The following CCDC171 variants were observed in gnomAD, a reference collection of about 807,000 sequenced individuals.
CCDC171 encodes the protein coiled-coil domain-containing protein 171.
Under a neutral mutation model 168.2 loss-of-function variants are expected in CCDC171, and 177 were observed. The observed-to-expected ratio is 1.05, with a 90% confidence interval of 0.93 to 1.19. The LOEUF (loss-of-function observed/expected upper bound fraction) is 1.19, where lower values mean the gene tolerates loss of function less well. Ranked by LOEUF, CCDC171 falls within the 50% of genes most tolerant of loss-of-function variation. CCDC171 has a pLI of 0.00. For missense variants in CCDC171, 1,991 were observed against 1,539.0 expected (o/e 1.29, Z -4.91); for synonymous variants, 687 against 540.8 (o/e 1.27, Z -3.75).
chr9:15,552,901 C>A (rs1356880217), upstream of CCDC171, among the ~76,000 whole-genome samples: 2 of 152,194 alleles, frequency 1.3e-5, no homozygotes, highest in African/African-American at 2.4e-5. Flanking sequence ...CCGTTCGTCC[C>A]TCAGCGAAGG....
At chr9:15,619,665 C>T (rs1170835020) in intron 6 of CCDC171, among the ~76,000 whole-genome samples, 1 of 152,088 alleles carries the variant, frequency 6.6e-6, no homozygotes, top group African/African-American at 2.4e-5. Flanking sequence ...CAAGTAATCC[C>T]AAAGATCTAG....
At chr9:15,956,754 A>G (rs922044153) in intron 25 of CCDC171, among the ~76,000 whole-genome samples, 2 of 152,172 alleles carry the variant, frequency 1.3e-5, no homozygotes, top group Admixed American at 6.6e-5. Flanking sequence ...AATTTACAGA[A>G]TAATTATTGT....
the CCDC171 span, among the ~76,000 whole-genome samples, chr9:16,073,714 G>T: frequency 6.6e-6 from 1 of 152,182 alleles, no homozygotes. Context: ...CAGCTGATTT[G>T]AGAGAGGCCC....
At chr9:15,800,856 T>G (rs1320403789) in intron 21 of CCDC171, among the ~76,000 whole-genome samples, 1 of 152,188 alleles carries the variant, frequency 6.6e-6, no homozygotes, top group Non-Finnish European at 1.5e-5. Flanking sequence ...CCTACACTAT[T>G]TATTGAAGAA....
At chr9:15,600,082 G>A (rs947412413) in intron 6 of CCDC171, among the ~76,000 whole-genome samples, 3 of 152,096 alleles carry the variant, frequency 2.0e-5, no homozygotes, top group Non-Finnish European at 2.9e-5. Context: ...CCATGGGTTC[G>A]AACTTCCTCC....
intron 18 of CCDC171, among the ~76,000 whole-genome samples, chr9:15,750,050 T>TA (rs1346154251): frequency 2.7e-5 from 4 of 149,452 alleles, no homozygotes; most frequent in Non-Finnish European, 4.4e-5. Flanking sequence ...TTTTTTTTTT[T>TA]AAAAGATCAA....
chr9:15,617,283 T>C (rs1000418190), intron 6 of CCDC171, among the ~76,000 whole-genome samples: 5 of 152,196 alleles, frequency 3.3e-5, no homozygotes, highest in African/African-American at 1.2e-4. Context: ...TTTTGGAATT[T>C]TCAGCATTTT....
intron 24 of CCDC171, among the ~76,000 whole-genome samples, chr9:15,884,486 A>G (rs1055842773): frequency 1.4e-4 from 21 of 152,294 alleles, no homozygotes; most frequent in Admixed American, 1.2e-3. Flanking sequence ...AGTCTGTGCA[A>G]TTTACTGTAT....
intron 10 of CCDC171, among the ~76,000 whole-genome samples, chr9:15,685,276 AT>A (rs2050309271): frequency 1.3e-5 from 2 of 152,160 alleles, no homozygotes; most frequent in Admixed American, 1.3e-4. Flanking sequence ...TCATTCTCAA[AT>A]TCCTTGTATA....
the CCDC171 span, among the ~76,000 whole-genome samples, chr9:16,084,605 C>A: frequency 6.6e-6 from 1 of 152,174 alleles, no homozygotes; most frequent in African/African-American, 2.4e-5. Context: ...TACCCGCTTT[C>A]CAATTTGCCA....
At chr9:15,913,462 AT>A (rs1332670771) in intron 24 of CCDC171, among the ~76,000 whole-genome samples, 1 of 151,858 alleles carries the variant, frequency 6.6e-6, no homozygotes, top group Non-Finnish European at 1.5e-5. Flanking sequence ...TATTTTGTTA[AT>A]CTTTACAAAA....
intron 24 of CCDC171, among the ~76,000 whole-genome samples, chr9:15,902,052 A>C (rs1408814794): frequency 6.6e-6 from 1 of 152,134 alleles, no homozygotes; most frequent in African/African-American, 2.4e-5. Context: ...TTTGATGGCA[A>C]GTGGCTAACA....
At chr9:15,907,365 C>T (rs1169927914) in intron 24 of CCDC171, among the ~76,000 whole-genome samples, 1 of 152,152 alleles carries the variant, frequency 6.6e-6, no homozygotes, top group Non-Finnish European at 1.5e-5. Context: ...ATATCTACAA[C>T]CATCTGATCT....
chr9:16,103,748 G>A, the CCDC171 span, among the ~76,000 whole-genome samples: 1 of 152,150 alleles, frequency 6.6e-6, no homozygotes, highest in Non-Finnish European at 1.5e-5. Flanking sequence ...AGGACCAAGG[G>A]CCATATCAGG....
intron 24 of CCDC171, among the ~76,000 whole-genome samples, chr9:15,882,067 C>T (rs566085495): frequency 1.3e-5 from 2 of 152,232 alleles, no homozygotes; most frequent in South Asian, 2.1e-4. Context: ...TAATAGTGTG[C>T]GAGGATTCTC....
At chr9:16,099,713 T>A in the CCDC171 span, among the ~76,000 whole-genome samples, 2 of 152,178 alleles carry the variant, frequency 1.3e-5, no homozygotes, top group African/African-American at 4.8e-5. Context: ...CTGCACTGAT[T>A]TGGCAATGAG....
intron 7 of CCDC171, among the ~76,000 whole-genome samples, chr9:15,649,557 A>G (rs1259781225): frequency 6.6e-6 from 1 of 152,172 alleles, no homozygotes; most frequent in Admixed American, 6.5e-5. Context: ...TACAAGAAAA[A>G]AACAAACAAC....
chr9:16,106,309 G>T, the CCDC171 span, among the ~76,000 whole-genome samples: 2 of 152,334 alleles, frequency 1.3e-5, no homozygotes, highest in East Asian at 3.9e-4. Context: ...GGGGAGAAAA[G>T]TAGGATTTTT....
chr9:15,555,272 CAAAA>C (rs1221358287), intron 1 of CCDC171, among the ~76,000 whole-genome samples: 1 of 152,004 alleles, frequency 6.6e-6, no homozygotes, highest in Non-Finnish European at 1.5e-5. Context: ...ACTCCACTAT[CAAAA>C]AAAGATTAAT....
Sources: allele counts gnomAD v4.1 joint callset (sites outside exome capture counted in the v4.1 genomes callset), GRCh38; gene constraint gnomAD v4.1.1; transcripts MANE v1.5; gene names NCBI Gene and HGNC (gene_info 2026-07-23, HGNC 2026-07-21).